The following RPS6KC1 variants were observed in gnomAD, a reference collection of about 807,000 sequenced individuals.
RPS6KC1 encodes inactive ribosomal protein S6 kinase delta-1.
Under a neutral mutation model 103.8 loss-of-function variants are expected in RPS6KC1, and 54 were observed. The observed-to-expected ratio is 0.52, with a 90% confidence interval of 0.42 to 0.65. RPS6KC1 has a LOEUF of 0.65. RPS6KC1 is among the 30% of genes least tolerant of loss of function. RPS6KC1 has a pLI of 0.00. For missense variants in RPS6KC1, 1,151 were observed against 1,253.8 expected (o/e 0.92, Z 1.24); for synonymous variants, 439 against 438.7 (o/e 1.00, Z -0.01).
the RPS6KC1 span, among the ~76,000 whole-genome samples, chr1:213,414,425 T>C: frequency 6.6e-6 from 1 of 152,040 alleles, no homozygotes; most frequent in African/African-American, 2.4e-5. Flanking sequence ...ATCCCATGAG[T>C]GTCCTCACAA....
At chr1:213,359,350 T>C in the RPS6KC1 span, among the ~76,000 whole-genome samples, 4 of 152,334 alleles carry the variant, frequency 2.6e-5, no homozygotes, top group South Asian at 2.1e-4. Context: ...TGGTTTAAAG[T>C]CTGTTTTATC....
At chr1:213,151,743 T>C (rs1278712697) in intron 6 of RPS6KC1, among the ~76,000 whole-genome samples, 6 of 79,462 alleles carry the variant, frequency 7.6e-5, no homozygotes, top group Admixed American at 2.7e-4. Flanking sequence ...CCCCCACCCA[T>C]CTCCCTCCCG....
At chr1:213,124,734 G>A (rs901972154) in intron 5 of RPS6KC1, among the ~76,000 whole-genome samples, 1 of 152,056 alleles carries the variant, frequency 6.6e-6, no homozygotes, top group Non-Finnish European at 1.5e-5. Context: ...TGAGAAGAAG[G>A]GAATTTAGAA....
At chr1:213,393,196 A>G in the RPS6KC1 span, among the ~76,000 whole-genome samples, 1 of 152,094 alleles carries the variant, frequency 6.6e-6, no homozygotes. Context: ...ATACTAATGC[A>G]TTAGTGAGCC....
chr1:213,142,399 A>G (rs1008046945), intron 6 of RPS6KC1, among the ~76,000 whole-genome samples: 2 of 151,924 alleles, frequency 1.3e-5, no homozygotes, highest in Non-Finnish European at 2.9e-5. Context: ...ATTACTGGGG[A>G]GCTAGTACGG....
chr1:213,185,509 A>G (rs2092480670), intron 8 of RPS6KC1, among the ~76,000 whole-genome samples: 1 of 152,092 alleles, frequency 6.6e-6, no homozygotes, highest in South Asian at 2.1e-4. Flanking sequence ...TTAGCCAGGC[A>G]TGGTGGTCCA....
intron 5 of RPS6KC1, among the ~76,000 whole-genome samples, chr1:213,127,591 G>A (rs1171843372): frequency 6.6e-6 from 1 of 151,932 alleles, no homozygotes; most frequent in Non-Finnish European, 1.5e-5. Flanking sequence ...TCATTATTCA[G>A]ACTTGTGTAT....
chr1:213,085,206 A>G (rs1338914104), intron 3 of RPS6KC1, among the ~76,000 whole-genome samples: 1 of 152,100 alleles, frequency 6.6e-6, no homozygotes, highest in African/African-American at 2.4e-5. Context: ...TGGCAGCATT[A>G]CTTTAGTCTT....
chr1:213,834,101 C>CA, the RPS6KC1 span, among the ~76,000 whole-genome samples: 4 of 152,128 alleles, frequency 2.6e-5, no homozygotes, highest in African/African-American at 9.7e-5. Context: ...TGCAGTGGCA[C>CA]AATCACGGCT....
the RPS6KC1 span, among the ~76,000 whole-genome samples, chr1:213,682,665 A>G: frequency 3.9e-5 from 6 of 152,232 alleles, no homozygotes; most frequent in African/African-American, 1.4e-4. Flanking sequence ...GTAACTGGAA[A>G]TTCTTTTGAG....
chr1:213,503,378 A>G, the RPS6KC1 span, among the ~76,000 whole-genome samples: 1 of 152,170 alleles, frequency 6.6e-6, no homozygotes, highest in African/African-American at 2.4e-5. Context: ...AGGTATCCAC[A>G]CTGGTTTAAT....
At chr1:213,701,130 T>A in the RPS6KC1 span, among the ~76,000 whole-genome samples, 1 of 152,066 alleles carries the variant, frequency 6.6e-6, no homozygotes, top group Non-Finnish European at 1.5e-5. Context: ...CTTGTTGTAT[T>A]CCAGGTCTCA....
At chr1:213,773,718 T>G in the RPS6KC1 span, among the ~76,000 whole-genome samples, 1 of 152,062 alleles carries the variant, frequency 6.6e-6, no homozygotes, top group East Asian at 1.9e-4. Flanking sequence ...TGGAATTTCT[T>G]CTTCTTCAGG....
chr1:213,689,055 T>C, the RPS6KC1 span, among the ~76,000 whole-genome samples: 2 of 152,218 alleles, frequency 1.3e-5, no homozygotes, highest in Non-Finnish European at 2.9e-5. Context: ...AGTAGTGTAA[T>C]TCACAGAAAT....
At chr1:213,564,839 C>T in the RPS6KC1 span, among the ~76,000 whole-genome samples, 7,671 of 152,196 alleles carry the variant, frequency 0.05, 206 homozygotes, top group Non-Finnish European at 0.066. Context: ...AACAATTCAC[C>T]GTAATAATTT....
At chr1:213,329,666 C>G in the RPS6KC1 span, among the ~76,000 whole-genome samples, 1 of 151,960 alleles carries the variant, frequency 6.6e-6, no homozygotes, top group East Asian at 1.9e-4. Context: ...AGATAGCTGT[C>G]TTAGGCTCCT....
the RPS6KC1 span, among the ~76,000 whole-genome samples, chr1:213,813,988 A>C: frequency 6.6e-6 from 1 of 152,228 alleles, no homozygotes; most frequent in Non-Finnish European, 1.5e-5. Flanking sequence ...GAGACCTGAG[A>C]TGCCTATTAA....
At chr1:213,422,412 G>A in the RPS6KC1 span, among the ~76,000 whole-genome samples, 1 of 152,122 alleles carries the variant, frequency 6.6e-6, no homozygotes, top group Non-Finnish European at 1.5e-5. Context: ...TGAATATCTG[G>A]TTTGTTTCCA....
chr1:213,518,417 T>C, the RPS6KC1 span, among the ~76,000 whole-genome samples: 1 of 152,112 alleles, frequency 6.6e-6, no homozygotes, highest in African/African-American at 2.4e-5. Flanking sequence ...ATGCAGAGAT[T>C]ACAGTGATGC....
Sources: allele counts gnomAD v4.1 joint callset (sites outside exome capture counted in the v4.1 genomes callset), GRCh38; gene constraint gnomAD v4.1.1; transcripts MANE v1.5; gene names NCBI Gene and HGNC (gene_info 2026-07-23, HGNC 2026-07-21).